The following KCNB2 variants were observed in gnomAD, a reference collection of about 807,000 sequenced individuals.
KCNB2 encodes potassium voltage-gated channel subfamily B member 2, also known as delayed rectifier potassium channel protein.
KCNB2 carries 15 observed loss-of-function variants against 61.5 expected under a neutral mutation model. That is an observed-to-expected ratio of 0.24 (90% confidence interval 0.16 to 0.38). KCNB2 has a LOEUF of 0.38. KCNB2 is among the 10% of genes least tolerant of loss of function. The pLI is 1.00. For missense variants in KCNB2, 828 were observed against 1,125.2 expected (o/e 0.74, Z 3.78); for synonymous variants, 457 against 446.0 (o/e 1.02, Z -0.31).
intron 2 of KCNB2, among the ~76,000 whole-genome samples, chr8:72,771,488 T>A (rs1351922316): frequency 6.6e-6 from 1 of 152,212 alleles, no homozygotes; most frequent in Non-Finnish European, 1.5e-5. Context: ...AACTCATATC[T>A]GATAAATATT....
chr8:72,800,359 T>C (rs1196107473), intron 2 of KCNB2, among the ~76,000 whole-genome samples: 2 of 152,210 alleles, frequency 1.3e-5, no homozygotes, highest in Non-Finnish European at 2.9e-5. Flanking sequence ...TCAACTACAA[T>C]TCATAAATGT....
chr8:72,784,894 G>T (rs1808822566), intron 2 of KCNB2, among the ~76,000 whole-genome samples: 4 of 152,054 alleles, frequency 2.6e-5, no homozygotes, highest in Admixed American at 2.0e-4. Context: ...ATAAAAGTTT[G>T]TTGAAGGAGA....
intron 2 of KCNB2, among the ~76,000 whole-genome samples, chr8:72,764,764 G>A (rs1808435926): frequency 6.6e-6 from 1 of 152,168 alleles, no homozygotes; most frequent in Admixed American, 6.5e-5. Flanking sequence ...ATATTTAGGA[G>A]AGTACGTTCT....
In KCNB2 at chr8:72,546,149, C is replaced by G. The variant is rs188258154; in HGVS notation, c.-94+8264C>G. On this transcript the variant is annotated intron_variant, in intron 1 of 2. Coordinates refer to ENST00000523207, the MANE Select transcript of KCNB2 (RefSeq NM_004770.3). ...TTCTCTGTTCTTCTGTTTCTTCAAA[C>G]AGAAGAAAAGTTCAAAGCTAGCAGA... is the stretch of plus-strand genomic sequence containing the variant. 2.0e-3 allele frequency among the ~76,000 whole-genome samples: 302 copies of G among 151,558 alleles called. 1 individual carries two copies. The highest frequency in any genetic ancestry group is 7.1e-3 in the African/African-American group (291 of 41,214).
At chr8:72,556,863 C>T (rs147523111) in intron 1 of KCNB2, among the ~76,000 whole-genome samples, 1 of 152,218 alleles carries the variant, frequency 6.6e-6, no homozygotes, top group African/African-American at 2.4e-5. Context: ...GACGAGGTAA[C>T]TTATGAACAG....
At chr8:72,779,778 G>A (rs1808723503) in intron 2 of KCNB2, among the ~76,000 whole-genome samples, 2 of 152,116 alleles carry the variant, frequency 1.3e-5, no homozygotes, top group South Asian at 2.1e-4. Flanking sequence ...ATGATATTGA[G>A]GGTAAGTCAG....
At chr8:72,741,517 A>C (rs535627680) in intron 2 of KCNB2, among the ~76,000 whole-genome samples, 2 of 152,246 alleles carry the variant, frequency 1.3e-5, no homozygotes, top group East Asian at 3.9e-4. Flanking sequence ...TGCACTCATC[A>C]CCCAAGCAAT....
chr8:72,677,447 AC>A (rs1806674570), intron 2 of KCNB2, among the ~76,000 whole-genome samples: 1 of 152,236 alleles, frequency 6.6e-6, no homozygotes, highest in East Asian at 1.9e-4. Context: ...GCTGTAAGCC[AC>A]CTCCAGCTAT....
chr8:72,861,458 C>G (rs1453148394), intron 2 of KCNB2, among the ~76,000 whole-genome samples: 1 of 152,202 alleles, frequency 6.6e-6, no homozygotes, highest in African/African-American at 2.4e-5. Flanking sequence ...GAGATAAAAG[C>G]TCACGAAAGA....
intron 2 of KCNB2, among the ~76,000 whole-genome samples, chr8:72,762,136 A>C (rs931787067): frequency 6.6e-6 from 1 of 152,212 alleles, no homozygotes; most frequent in Non-Finnish European, 1.5e-5. Context: ...CTCTAAACAA[A>C]CATGCAACCA....
chr8:72,936,629 A>G lies in KCNB2; in HGVS notation c.1274A>G (p.Lys425Arg), dbSNP rs1806906933. ...IIVNNFSEFYKEQKRQEKAIK... is the reference protein window; with the variant it reads ...IIVNNFSEFYREQKRQEKAIK... ...GTGAACAATTTTTCTGAGTTTTACAAGGAGCAGAAACGCCAAGAGAAAGCA... is the reference window on the plus strand; with the variant it reads ...GTGAACAATTTTTCTGAGTTTTACAGGGAGCAGAAACGCCAAGAGAAAGCA... Residue 425 changes from lysine to arginine, a missense_variant, in exon 3 of 3, where the codon AAG (lysine) becomes AGG (arginine). This residue lies in a region of KCNB2 where 44 missense variants were observed against 167.6 expected (regional missense o/e 0.26). Coordinates refer to ENST00000523207, the MANE Select transcript of KCNB2 (RefSeq NM_004770.3). The surrounding 1 kb of genome is among the most constrained non-coding windows in gnomAD (Gnocchi z 5.6). 6.2e-7 allele frequency: 1 copy of G among 1,614,056 alleles called. No individual in the cohort carries two copies. The highest frequency in any genetic ancestry group is 1.3e-5 in the African/African-American group (1 of 74,920).
intron 2 of KCNB2, among the ~76,000 whole-genome samples, chr8:72,787,427 T>G (rs1174805434): frequency 6.6e-6 from 1 of 152,084 alleles, no homozygotes; most frequent in African/African-American, 2.4e-5. Context: ...GAATTTTTTT[T>G]TTGCTTTTAT....
At chr8:72,920,488 T>TATATATATATATATA (rs57048446) in intron 2 of KCNB2, among the ~76,000 whole-genome samples, 16 of 137,242 alleles carry the variant, frequency 1.2e-4, no homozygotes, top group South Asian at 2.3e-4. Context: ...TATATATATA[T>TATATATATATATATA]TAGCTGGCCA....
At chr8:72,892,547 C>A (rs1805914957) in intron 2 of KCNB2, among the ~76,000 whole-genome samples, 1 of 152,134 alleles carries the variant, frequency 6.6e-6, no homozygotes, top group Non-Finnish European at 1.5e-5. Flanking sequence ...CTTCCTTGAA[C>A]CCTCAGCAGC....
intron 2 of KCNB2, among the ~76,000 whole-genome samples, chr8:72,605,721 T>C (rs918413367): frequency 1.3e-5 from 2 of 152,212 alleles, no homozygotes; most frequent in South Asian, 4.1e-4. Context: ...AATGAATCTT[T>C]TTTCCAGTTT....
At chr8:72,919,421 G>C (rs898195274) in intron 2 of KCNB2, among the ~76,000 whole-genome samples, 2 of 152,202 alleles carry the variant, frequency 1.3e-5, no homozygotes, top group African/African-American at 2.4e-5. Context: ...GGGGTAATGG[G>C]TAGTTTTTAA....
chr8:72,568,439 A>C (rs1443201234), intron 2 of KCNB2, 126 bp downstream of exon 2: 5 of 777,012 alleles, frequency 6.4e-6, no homozygotes, highest in Non-Finnish European at 1.0e-5. Flanking sequence ...AGACAGTGAA[A>C]AAATCCTTTC....
At chr8:72,577,839 C>T (rs1806822353) in intron 2 of KCNB2, among the ~76,000 whole-genome samples, 1 of 152,150 alleles carries the variant, frequency 6.6e-6, no homozygotes, top group South Asian at 2.1e-4. Context: ...AGAGGAAGAA[C>T]CCTAGCCTTC....
intron 2 of KCNB2, among the ~76,000 whole-genome samples, chr8:72,655,055 T>C (rs1257885647): frequency 1.3e-5 from 2 of 152,086 alleles, no homozygotes; most frequent in Non-Finnish European, 2.9e-5. Flanking sequence ...TAAATGCCCA[T>C]CAGTGGTAGA....
Sources: allele counts gnomAD v4.1 joint callset (sites outside exome capture counted in the v4.1 genomes callset), GRCh38; gene constraint gnomAD v4.1.1; regional missense constraint gnomAD v4.1.1; non-coding constraint Gnocchi (gnomAD v3.1); transcripts MANE v1.5; gene names NCBI Gene and HGNC (gene_info 2026-07-23, HGNC 2026-07-21).